Variants in LHFPL3 observed in about 807,000 individuals in gnomAD.
LHFPL3 encodes LHFPL tetraspan subfamily member 3 protein.
LHFPL3 carries 5 observed loss-of-function variants against 19.3 expected under a neutral mutation model. The ratio of observed to expected loss-of-function variants is 0.26; its 90% CI spans 0.14 to 0.54. The LOEUF (loss-of-function observed/expected upper bound fraction) is 0.54. Among genes scored for constraint, LHFPL3 ranks in the 20% least tolerant of loss-of-function variants. The pLI is 0.94. For synonymous variants in LHFPL3, 133 were observed against 126.2 expected (o/e 1.05, Z -0.36); for missense variants, 249 against 307.4 (o/e 0.81, Z 1.42).
intron 1 of LHFPL3, among the ~76,000 whole-genome samples, chr7:104,409,304 C>CTGTGTG (rs59285167): frequency 1.0e-4 from 15 of 148,912 alleles, no homozygotes; most frequent in South Asian, 6.5e-4. Flanking sequence ...CTTATGTGTG[C>CTGTGTG]TGTGTGTGTG....
rs1037738728 is a variant in LHFPL3 at position 104,534,472 on chromosome 7, A to G, written c.446-202203A>G. The stretch of plus-strand genomic sequence containing the variant: ...GATGTCTCTTACCTTTCGGAATCTT[A>G]GGATCCATTACAGTGCTTGATGGTC... On this transcript the variant is annotated intron_variant, in intron 1 of 2. Coordinates refer to ENST00000424859, the MANE Select transcript of LHFPL3 (RefSeq NM_199000.3). Among the ~76,000 whole-genome samples, 10 of 152,214 alleles carry G rather than the reference A, an allele frequency of 6.6e-5. 1 individual carries two copies. In the East Asian group the frequency reaches 1.2e-3, roughly 18 times the overall value.
At chr7:104,492,725 C>A (rs779598166) in intron 1 of LHFPL3, among the ~76,000 whole-genome samples, 1 of 152,344 alleles carries the variant, frequency 6.6e-6, no homozygotes, top group East Asian at 1.9e-4. Context: ...TGTCTTATAA[C>A]AGTCCTCAAA....
chr7:104,387,085 G>A (rs1481021389), intron 1 of LHFPL3, among the ~76,000 whole-genome samples: 1 of 152,162 alleles, frequency 6.6e-6, no homozygotes, highest in Non-Finnish European at 1.5e-5. Flanking sequence ...TTACAAATAT[G>A]TTCAGAGAAC....
intron 1 of LHFPL3, chr7:104,469,937 G>A (rs1792874549): frequency 8.8e-6 from 4 of 453,508 alleles, no homozygotes; most frequent in African/African-American, 6.0e-5. Context: ...CACAGTTATA[G>A]CACAATCATA....
intron 2 of LHFPL3, among the ~76,000 whole-genome samples, chr7:104,857,040 C>T (rs1385726076): frequency 6.6e-6 from 1 of 152,212 alleles, no homozygotes; most frequent in Non-Finnish European, 1.5e-5. Context: ...ATGCCAGGGT[C>T]TTTGCCTATA....
chr7:104,558,092 G>T (rs1490116441), intron 1 of LHFPL3, among the ~76,000 whole-genome samples: 4 of 149,776 alleles, frequency 2.7e-5, no homozygotes, highest in South Asian at 4.2e-4. Flanking sequence ...TGGACATTTG[G>T]GTTGGTTCCA....
intron 1 of LHFPL3, among the ~76,000 whole-genome samples, chr7:104,437,333 C>T (rs1792128980): frequency 6.6e-6 from 1 of 152,170 alleles, no homozygotes; most frequent in East Asian, 1.9e-4. Flanking sequence ...TAAGTGGCTT[C>T]CTCCTGTTAT....
chr7:104,379,492 A>G (rs138842183), intron 1 of LHFPL3, among the ~76,000 whole-genome samples: 1 of 152,320 alleles, frequency 6.6e-6, no homozygotes. Context: ...ATAATGATGC[A>G]TTGAGAGAAG....
At chr7:104,536,969 T>C (rs2115862142) in intron 1 of LHFPL3, among the ~76,000 whole-genome samples, 1 of 152,372 alleles carries the variant, frequency 6.6e-6, no homozygotes, top group South Asian at 2.1e-4. Context: ...ATGGACTATT[T>C]AATCTTCTAC....
At chr7:104,713,316 C>T (rs2116221360) in intron 1 of LHFPL3, among the ~76,000 whole-genome samples, 1 of 152,326 alleles carries the variant, frequency 6.6e-6, no homozygotes, top group African/African-American at 2.4e-5. Flanking sequence ...TGCATTCTCA[C>T]ATTGCTATAA....
intron 1 of LHFPL3, among the ~76,000 whole-genome samples, chr7:104,637,130 T>C (rs1791743016): frequency 6.6e-6 from 1 of 152,338 alleles, no homozygotes; most frequent in African/African-American, 2.4e-5. Context: ...TCTCTAATGA[T>C]TAGTGATATT....
intron 1 of LHFPL3, among the ~76,000 whole-genome samples, chr7:104,466,344 G>C (rs1215119971): frequency 6.6e-6 from 1 of 152,186 alleles, no homozygotes; most frequent in Non-Finnish European, 1.5e-5. Context: ...AAGGGCTAAA[G>C]TGCAGAAGCT....
At chr7:104,397,879 C>T (rs578024659) in intron 1 of LHFPL3, among the ~76,000 whole-genome samples, 1 of 152,204 alleles carries the variant, frequency 6.6e-6, no homozygotes, top group East Asian at 1.9e-4. Flanking sequence ...TAGCACATGC[C>T]AAGGATCCTA....
At chr7:104,802,438 T>C (rs371955418) in intron 2 of LHFPL3, among the ~76,000 whole-genome samples, 2 of 137,792 alleles carry the variant, frequency 1.5e-5, no homozygotes, top group South Asian at 4.5e-4. Context: ...AAGGCTACAA[T>C]GAGCTATGAT....
chr7:104,559,666 C>T (rs57499956), intron 1 of LHFPL3, among the ~76,000 whole-genome samples: 10,012 of 152,128 alleles, frequency 0.066, 504 homozygotes, highest in African/African-American at 0.15. Flanking sequence ...ACTGAATACC[C>T]TTTATTTCCT....
Position 104,697,898 on chromosome 7 carries a change from T to A in LHFPL3, c.446-38777T>A, listed in dbSNP as rs532266774. On this transcript the variant is annotated intron_variant, in intron 1 of 2. Coordinates refer to ENST00000424859, the MANE Select transcript of LHFPL3 (RefSeq NM_199000.3). ...GTAAGTTATGCACATTGATTCCTTC[T>A]GAAATTCTGTTTTGTCTTCTATGAC... Among the ~76,000 whole-genome samples the A allele has an allele frequency of 2.0e-5, 3 of 152,372 alleles. No individual in the cohort carries two copies. In the East Asian group the frequency reaches 5.8e-4, roughly 29 times the overall value.
At chr7:104,817,497 C>A (rs1790577673) in intron 2 of LHFPL3, among the ~76,000 whole-genome samples, 1 of 152,186 alleles carries the variant, frequency 6.6e-6, no homozygotes, top group Non-Finnish European at 1.5e-5. Flanking sequence ...GGCATTCATC[C>A]TTTTGCAAGT....
chr7:104,572,069 T>A (rs67291877), intron 1 of LHFPL3, among the ~76,000 whole-genome samples: 27,287 of 152,200 alleles, frequency 0.18, 2,775 homozygotes, highest in Non-Finnish European at 0.22. Context: ...TGAACTATTT[T>A]GTTCTTTTCA....
At chr7:104,573,289 G>A (rs7797406) in intron 1 of LHFPL3, among the ~76,000 whole-genome samples, 5,148 of 151,814 alleles carry the variant, frequency 0.034, 263 homozygotes, top group African/African-American at 0.12. Flanking sequence ...GCGGGCACCT[G>A]TAATCCTAGC....
Sources: allele counts gnomAD v4.1 joint callset (sites outside exome capture counted in the v4.1 genomes callset), GRCh38; gene constraint gnomAD v4.1.1; transcripts MANE v1.5; gene names NCBI Gene and HGNC (gene_info 2026-07-23, HGNC 2026-07-21).